The following TFAP2E variants were observed in gnomAD, a reference collection of about 807,000 sequenced individuals.
TFAP2E encodes transcription factor AP-2-epsilon.
Under a neutral mutation model 37.9 loss-of-function variants are expected in TFAP2E, and 30 were observed. That is an observed-to-expected ratio of 0.79 (90% CI 0.59 to 1.07). The LOEUF is 1.07. Among genes scored for constraint, TFAP2E ranks in the 50% least tolerant of loss-of-function variants. The pLI, the probability that TFAP2E is intolerant of heterozygous loss-of-function variation, is 0.00. For missense variants in TFAP2E, 567 were observed against 637.9 expected (o/e 0.89, Z 1.20); for synonymous variants, 318 against 295.8 (o/e 1.08, Z -0.77).
At chr1:35,593,258 T>G (rs1368914914) in intron 6 of TFAP2E, among the ~76,000 whole-genome samples, 2 of 151,780 alleles carry the variant, frequency 1.3e-5, no homozygotes, top group African/African-American at 2.4e-5. Context: ...GAGACTGCAG[T>G]GAGCTGGGAT....
chr1:35,573,531 C>A lies in TFAP2E; in HGVS notation c.-47C>A. The A allele has an allele frequency of 6.6e-7, 1 of 1,505,080 alleles. No homozygotes were observed. The highest frequency in any genetic ancestry group is 1.3e-5 in the South Asian group (1 of 79,096). 93.2% of individuals were successfully genotyped at this position (1,505,080 alleles called of 1,614,324 possible). On this transcript the variant is annotated 5_prime_UTR_variant, in exon 1 of 7. Transcript: ENST00000373235. This position sits in a 1 kb window ranked among gnomAD's most constrained non-coding sequence, Gnocchi z 5.9. ...TCTGCCCGCAGCGCTCGCCGTCGGGCTAGGGCTCCGCCGCCGCCACGCCTC... is the reference window on the plus strand; with the variant it reads ...TCTGCCCGCAGCGCTCGCCGTCGGGATAGGGCTCCGCCGCCGCCACGCCTC...
chr1:35,583,109 CAA>C (rs1253392800), intron 3 of TFAP2E, among the ~76,000 whole-genome samples: 1 of 152,068 alleles, frequency 6.6e-6, no homozygotes, highest in Non-Finnish European at 1.5e-5. Flanking sequence ...CCATGTTGGC[CAA>C]GTTGCTCTTA....
rs760074269 is a variant in TFAP2E at position 35,574,304 on chromosome 1, C to T, written c.405C>T (p.Ala135=). The part of the protein sequence containing the change: ...GLDPRRDYAT[A]VPRLLHGLAD... ...ACCCGCGCCGTGACTATGCCACTGC[C>T]GTGCCCCGGCTCCTGCACGGCCTGG... is the stretch of plus-strand genomic sequence containing the variant. Residue 135 remains alanine (A), a synonymous_variant, in exon 2 of 7, where the codon GCC becomes GCT. Transcript: ENST00000373235. The T allele has an allele frequency of 1.7e-5, 25 of 1,456,830 alleles. No homozygotes were observed. The highest frequency in any genetic ancestry group is 2.2e-5 in the Non-Finnish European group (24 of 1,111,474). The allele number at this position is 1,456,830 out of a possible 1,614,324, so 90.2% of individuals were successfully genotyped here. A position where few individuals can be genotyped will look rare whatever the true frequency, so the allele number is the denominator to read the frequency against.
rs768156526 is a variant in TFAP2E, at chr1:35,577,484, G to T, written c.562+2484G>T. 2.2e-6 allele frequency: 1 copy of T among 456,378 alleles called. No individual in the cohort carries two copies. Among genetic ancestry groups the T allele is most frequent in the South Asian group, 1.5e-5 (1 of 64,554 alleles). The allele number at this position is 456,378 out of a possible 1,614,324, so 28.3% of individuals were successfully genotyped here. A position where few individuals can be genotyped will look rare whatever the true frequency, so the allele number is the denominator to read the frequency against. On this transcript the variant is annotated intron_variant, in intron 3 of 6. Transcript: ENST00000373235. The surrounding 1 kb of genome is among the most constrained non-coding windows in gnomAD (Gnocchi z 6.3). ...CGAGTGCGGTACTGGAGCCTGCCCC[G>T]CCAGGGCCCTGGAATCAGAGAAAGT... is the stretch of plus-strand genomic sequence containing the variant.
At chr1:35,585,864 C>T (rs1220491934) in intron 3 of TFAP2E, among the ~76,000 whole-genome samples, 2 of 152,186 alleles carry the variant, frequency 1.3e-5, no homozygotes, top group Admixed American at 6.5e-5. Context: ...GTCTGGGCAA[C>T]ATGGTGAAAC....
In TFAP2E at chr1:35,574,155, G is replaced by A. The variant is rs978525074; in HGVS notation, c.256G>A (p.Gly86Ser). The change falls in exon 2 of 7, where the codon GGC becomes AGC. Residue 86 changes from glycine to serine, a missense_variant. This residue lies in a region of TFAP2E where 312 missense variants were observed against 317.4 expected (regional missense o/e 0.98). Transcript: ENST00000373235. ...FPHLAGDPYG[G>S]LAPLAQPQPP... ...CCACCTGGCAGGGGACCCATATGGCGGCCTGGCGCCCCTGGCGCAGCCGCA... is the reference window on the plus strand; with the variant it reads ...CCACCTGGCAGGGGACCCATATGGCAGCCTGGCGCCCCTGGCGCAGCCGCA... 12 of 1,434,736 alleles carry A rather than the reference G, an allele frequency of 8.4e-6. No individual in the cohort carries two copies. Among genetic ancestry groups the A allele is most frequent in the Admixed American group, 2.4e-5 (1 of 40,916 alleles). The allele number at this position is 1,434,736 out of a possible 1,614,324, so 88.9% of individuals were successfully genotyped here.
At position 35,582,685 on chromosome 1, in the gene TFAP2E, G is replaced by A. The variant is rs575122982; in HGVS notation, c.563-5645G>A. On this transcript the variant is annotated intron_variant, in intron 3 of 6. Coordinates refer to ENST00000373235, the MANE Select transcript of TFAP2E (RefSeq NM_178548.4). ...ACTTTTTAGAGATAGGTCTCACTAA[G>A]TTGTTCAAGCTGGAGTTTGGTGGCT... Among the ~76,000 whole-genome samples, 12 of 150,646 alleles carry A rather than the reference G, an allele frequency of 8.0e-5. No individual in the cohort carries two copies. In the East Asian group the frequency reaches 2.3e-3, roughly 29 times the overall value.
chr1:35,573,875 G>A lies in TFAP2E; in HGVS notation c.28-52G>A. 7.0e-7 allele frequency: 1 copy of A among 1,421,248 alleles called. No individual in the cohort carries two copies. The highest frequency in any genetic ancestry group is 9.1e-7 in the Non-Finnish European group (1 of 1,097,338). 88.0% of individuals were successfully genotyped at this position (1,421,248 alleles called of 1,614,324 possible). A position where few individuals can be genotyped will look rare whatever the true frequency, so the allele number is the denominator to read the frequency against. On this transcript the variant is annotated intron_variant, in intron 1 of 6. Coordinates refer to ENST00000373235, the MANE Select transcript of TFAP2E (RefSeq NM_178548.4). This position sits in a 1 kb window ranked among gnomAD's most constrained non-coding sequence, Gnocchi z 5.9. The stretch of plus-strand genomic sequence containing the variant: ...AGCTGAGGAGGATCCTTTCAGGCTG[G>A]GGTCCTTTCAGCTGCCAGTGGGTCA...
In TFAP2E at chr1:35,594,981, C is replaced by T; in HGVS notation, c.*305C>T. The T allele has an allele frequency of 4.9e-6, 2 of 405,322 alleles. No individual in the cohort carries two copies. Among genetic ancestry groups the T allele is most frequent in the East Asian group, 5.6e-5 (1 of 18,010 alleles). 25.1% of individuals were successfully genotyped at this position (405,322 alleles called of 1,614,324 possible). On this transcript the variant is annotated 3_prime_UTR_variant, in exon 7 of 7. Transcript: ENST00000373235. ...AAGATCTGGCTCATGGGGCAGAGCCCTTTCCATTAGCGTGGCTGGGTGGCC... is the reference window on the plus strand; with the variant it reads ...AAGATCTGGCTCATGGGGCAGAGCCTTTTCCATTAGCGTGGCTGGGTGGCC...
chr1:35,588,640 A>C lies in TFAP2E; in HGVS notation c.785+88A>C. 7.5e-7 allele frequency: 1 copy of C among 1,325,780 alleles called. No individual in the cohort carries two copies. Among genetic ancestry groups the C allele is most frequent in the Non-Finnish European group, 1.0e-6 (1 of 988,296 alleles). 82.1% of individuals were successfully genotyped at this position (1,325,780 alleles called of 1,614,324 possible). A position where few individuals can be genotyped will look rare whatever the true frequency, so the allele number is the denominator to read the frequency against. ...AGGCATCAGAGAGGAGGCCAGTCTC[A>C]CCTAGGCCCTCTGCCTCAGTCTCCC... On this transcript the variant is annotated intron_variant, in intron 4 of 6. Transcript: ENST00000373235. The surrounding 1 kb of genome is among the most constrained non-coding windows in gnomAD (Gnocchi z 5.1).
chr1:35,586,260 G>A (rs1332193000), intron 3 of TFAP2E, among the ~76,000 whole-genome samples: 1 of 152,140 alleles, frequency 6.6e-6, no homozygotes, highest in Non-Finnish European at 1.5e-5. Flanking sequence ...AGAGTTGAAG[G>A]TTCATTTCTG....
At chr1:35,579,626 C>G (rs1649290387) in intron 3 of TFAP2E, among the ~76,000 whole-genome samples, 1 of 151,970 alleles carries the variant, frequency 6.6e-6, no homozygotes, top group South Asian at 2.1e-4. Context: ...AACTCCTGAC[C>G]TCAAGTGACC....
chr1:35,577,259 G>T lies in TFAP2E; in HGVS notation c.562+2259G>T. The T allele has an allele frequency of 2.5e-6, 1 of 405,942 alleles. No individual in the cohort carries two copies. Among genetic ancestry groups the T allele is most frequent in the Non-Finnish European group, 5.0e-6 (1 of 200,058 alleles). 25.1% of individuals were successfully genotyped at this position (405,942 alleles called of 1,614,324 possible). Reference sequence around the variant, plus strand: ...GCAGCTGCGGCGGCGAGGCAGGTGGGCTCCTTGCTCCCTGGAGCCGCCCCT... The same window carrying T: ...GCAGCTGCGGCGGCGAGGCAGGTGGTCTCCTTGCTCCCTGGAGCCGCCCCT... On this transcript the variant is annotated intron_variant, in intron 3 of 6. Transcript: ENST00000373235. This position sits in a 1 kb window ranked among gnomAD's most constrained non-coding sequence, Gnocchi z 6.3.
chr1:35,580,774 C>CA (rs879888617), intron 3 of TFAP2E, among the ~76,000 whole-genome samples: 2,773 of 135,750 alleles, frequency 0.02, 78 homozygotes, highest in African/African-American at 0.069. Flanking sequence ...GACTCTGCCT[C>CA]AAAAAAAAAA....
Position 35,590,551 on chromosome 1 carries a change from C to A in TFAP2E, c.905-83C>A. 2 of 1,382,020 alleles carry A rather than the reference C, an allele frequency of 1.4e-6. No individual in the cohort carries two copies. Among genetic ancestry groups the A allele is most frequent in the East Asian group, 2.5e-5 (1 of 40,092 alleles). 85.6% of individuals were successfully genotyped at this position (1,382,020 alleles called of 1,614,324 possible). A position where few individuals can be genotyped will look rare whatever the true frequency, so the allele number is the denominator to read the frequency against. ...CACAGGCAGGATGGGGCAGGATACCCCTGACCAGGGGGTCAGAGGTTCAAA... is the reference window on the plus strand; with the variant it reads ...CACAGGCAGGATGGGGCAGGATACCACTGACCAGGGGGTCAGAGGTTCAAA... On this transcript the variant is annotated intron_variant, in intron 5 of 6. Transcript: ENST00000373235. The surrounding 1 kb of genome is among the most constrained non-coding windows in gnomAD (Gnocchi z 6.2).
At chr1:35,589,305 G>A (rs908959346) in intron 4 of TFAP2E, among the ~76,000 whole-genome samples, 2 of 150,800 alleles carry the variant, frequency 1.3e-5, no homozygotes, top group East Asian at 4.0e-4. Flanking sequence ...GGAGTGGCAT[G>A]TGTGCAGTCA....
At position 35,590,115 on chromosome 1, in the gene TFAP2E, TCTCTAATG is replaced by T; in HGVS notation, c.904+69_904+76del. 1 of 1,452,492 alleles carries T rather than the reference TCTCTAATG, an allele frequency of 6.9e-7. No homozygotes were observed. The highest frequency in any genetic ancestry group is 9.6e-7 in the Non-Finnish European group (1 of 1,036,858). The allele number at this position is 1,452,492 out of a possible 1,614,324, so 90.0% of individuals were successfully genotyped here. ...GCAAGTGAGTTGTCTGGTGTGACTG[TCTCTAATG>T]CAGGAGGGTGTGTTTAGTGGTGTGT... is the stretch of plus-strand genomic sequence containing the variant. On this transcript the variant is annotated intron_variant, in intron 5 of 6. Transcript: ENST00000373235. The surrounding 1 kb of genome is among the most constrained non-coding windows in gnomAD (Gnocchi z 6.2).
At chr1:35,587,636 CAA>C (rs553131997) in intron 3 of TFAP2E, among the ~76,000 whole-genome samples, 11 of 51,348 alleles carry the variant, frequency 2.1e-4, no homozygotes, top group Non-Finnish European at 3.4e-4. Context: ...GACTCCATCT[CAA>C]AAAAAAAAAA....
intron 3 of TFAP2E, among the ~76,000 whole-genome samples, chr1:35,586,446 T>A (rs1649483486): frequency 6.6e-6 from 1 of 152,164 alleles, no homozygotes. Flanking sequence ...GCTGAGTTTT[T>A]GGCTGCAGAA....
Sources: gnomAD v4.1 joint callset for allele counts (sites outside exome capture counted in the v4.1 genomes callset) on GRCh38, gnomAD v4.1.1 for gene constraint, gnomAD v4.1.1 regional missense constraint, Gnocchi (gnomAD v3.1) non-coding constraint, MANE v1.5 for transcripts, NCBI Gene and HGNC (gene_info 2026-07-23, HGNC 2026-07-21) for gene names.